The following DLC1 variants were observed in gnomAD, a reference collection of about 807,000 sequenced individuals.
DLC1 encodes the protein DLC1 Rho GTPase activating protein.
DLC1 carries 54 observed loss-of-function variants against 140.3 expected under a neutral mutation model. The observed-to-expected ratio is 0.38, with a 90% CI of 0.31 to 0.48. The LOEUF is 0.48. Among genes scored for constraint, DLC1 ranks in the 20% least tolerant of loss-of-function variants. The pLI is 0.96. For synonymous variants in DLC1, 986 were observed against 728.1 expected, an observed-to-expected ratio of 1.35 and a Z score of -5.70; for missense variants, 2,536 against 1,907.0, an observed-to-expected ratio of 1.33 and a Z score of -6.14.
intron 5 of DLC1, among the ~76,000 whole-genome samples, chr8:13,292,802 TG>T (rs1482684018): frequency 6.6e-6 from 1 of 152,250 alleles, no homozygotes; most frequent in African/African-American, 2.4e-5. Flanking sequence ...CTCATTTTTT[TG>T]TTTTTATATG....
chr8:13,344,306 C>A (rs1270937145), intron 4 of DLC1, among the ~76,000 whole-genome samples: 1 of 152,092 alleles, frequency 6.6e-6, no homozygotes, highest in Non-Finnish European at 1.5e-5. Context: ...CCAGCCTGAC[C>A]AACATGGTGA....
rs539686093 is a variant in DLC1 at position 13,446,678 on chromosome 8, C to T, written c.1024-45059G>A. 5.3e-5 allele frequency among the ~76,000 whole-genome samples: 8 copies of T among 152,128 alleles called. No individual in the cohort carries two copies. In the South Asian group the frequency reaches 8.3e-4, roughly 16 times the overall value. ...AAATAAGAAAAGGAATGGTGGTTCA[C>T]GCCTGTAATCTCAGCACTTTCGGAG... On this transcript the variant is annotated intron_variant, in intron 2 of 17. Coordinates refer to ENST00000276297, the MANE Select transcript of DLC1 (RefSeq NM_182643.3).
intron 1 of DLC1, among the ~76,000 whole-genome samples, chr8:13,537,852 A>G (rs545061844): frequency 5.9e-5 from 9 of 151,830 alleles, no homozygotes; most frequent in African/African-American, 1.9e-4. Context: ...ACAGGGTTTC[A>G]CTGTGTTAGT....
chr8:13,399,915 A>C (rs529281925), intron 3 of DLC1, among the ~76,000 whole-genome samples: 1 of 152,046 alleles, frequency 6.6e-6, no homozygotes, highest in Non-Finnish European at 1.5e-5. Flanking sequence ...ATAAATTCAC[A>C]GTGAAGTATG....
chr8:13,375,732 TTTA>T (rs1456518329), intron 4 of DLC1, among the ~76,000 whole-genome samples: 2 of 90,066 alleles, frequency 2.2e-5, no homozygotes, highest in East Asian at 6.6e-4. Context: ...TTATTTTATT[TTTA>T]TTTTTTTGCT....
intron 5 of DLC1, among the ~76,000 whole-genome samples, chr8:13,182,520 G>C (rs922098769): frequency 6.6e-6 from 1 of 152,162 alleles, no homozygotes; most frequent in Admixed American, 6.5e-5. Flanking sequence ...AAGGGATCCA[G>C]TTTCAGCTTT....
At chr8:13,412,250 A>T (rs990804321) in intron 2 of DLC1, among the ~76,000 whole-genome samples, 4 of 152,168 alleles carry the variant, frequency 2.6e-5, no homozygotes, top group African/African-American at 4.8e-5. Flanking sequence ...GAGAATTAAT[A>T]TTTTTTTCAT....
At chr8:13,454,976 T>C (rs899079526) in intron 2 of DLC1, among the ~76,000 whole-genome samples, 2 of 152,040 alleles carry the variant, frequency 1.3e-5, no homozygotes, top group Non-Finnish European at 2.9e-5. Context: ...GAGATCTAGT[T>C]TTTTTTTGTT....
chr8:13,249,490 A>C (rs1829911334), intron 5 of DLC1, among the ~76,000 whole-genome samples: 1 of 152,088 alleles, frequency 6.6e-6, no homozygotes, highest in South Asian at 2.1e-4. Context: ...ACCCACTGCC[A>C]CCGTGATCCC....
At chr8:13,115,187 G>T (rs1820444663) in intron 6 of DLC1, among the ~76,000 whole-genome samples, 1 of 151,532 alleles carries the variant, frequency 6.6e-6, no homozygotes, top group South Asian at 2.1e-4. Context: ...CAGTATAGAA[G>T]AATCTTAACA....
intron 2 of DLC1, among the ~76,000 whole-genome samples, chr8:13,448,827 A>C (rs1563355803): frequency 6.6e-6 from 1 of 151,616 alleles, no homozygotes; most frequent in Non-Finnish European, 1.5e-5. Context: ...ACGGCCACAA[A>C]TGTGTTATAC....
intron 2 of DLC1, among the ~76,000 whole-genome samples, chr8:13,430,689 AT>A (rs1838824340): frequency 1.3e-5 from 2 of 152,318 alleles, no homozygotes; most frequent in South Asian, 4.1e-4. Context: ...AAATTTGGTA[AT>A]TAATTTAAAA....
chr8:13,453,779 A>G lies in DLC1; in HGVS notation c.1023+45270T>C, dbSNP rs1240703177. The stretch of plus-strand genomic sequence containing the variant: ...TATAATTGTAGAACTACTATTTTAC[A>G]GTTAAATTTCATTATAACGATGTCT... On this transcript the variant is annotated intron_variant, in intron 2 of 17. Coordinates refer to ENST00000276297, the MANE Select transcript of DLC1 (RefSeq NM_182643.3). Among the ~76,000 whole-genome samples the G allele has an allele frequency of 2.0e-5, 3 of 151,696 alleles. No homozygotes were observed. In the East Asian group the frequency reaches 5.8e-4, roughly 29 times the overall value.
chr8:13,319,817 C>CTTTT (rs1563250552), intron 4 of DLC1, among the ~76,000 whole-genome samples: 3 of 17,058 alleles, frequency 1.8e-4, no homozygotes, highest in African/African-American at 3.7e-4. Flanking sequence ...AATTCTCTCT[C>CTTTT]TCTCTTTTTT....
At chr8:13,462,698 G>A (rs190896986) in intron 2 of DLC1, among the ~76,000 whole-genome samples, 380 of 152,148 alleles carry the variant, frequency 2.5e-3, no homozygotes, top group African/African-American at 8.6e-3. Context: ...GAGCCACCGC[G>A]CCCGGCCTAC....
At chr8:13,585,879 T>C (rs1805288804) in intron 1 of DLC1, among the ~76,000 whole-genome samples, 1 of 152,218 alleles carries the variant, frequency 6.6e-6, no homozygotes, top group Non-Finnish European at 1.5e-5. Flanking sequence ...ACAGTCACAT[T>C]CTGAAGTACT....
chr8:13,390,071 G>A (rs902247812), intron 4 of DLC1, among the ~76,000 whole-genome samples: 4 of 152,112 alleles, frequency 2.6e-5, no homozygotes, highest in African/African-American at 4.8e-5. Context: ...GTGGGAGAAA[G>A]TATCTGTTTA....
At chr8:13,274,400 G>C (rs928544448) in intron 5 of DLC1, among the ~76,000 whole-genome samples, 1 of 152,146 alleles carries the variant, frequency 6.6e-6, no homozygotes, top group Non-Finnish European at 1.5e-5. Flanking sequence ...TACTTCAGAG[G>C]TCCATACTGC....
At chr8:13,132,144 T>C (rs1822151034) in intron 5 of DLC1, among the ~76,000 whole-genome samples, 2 of 150,952 alleles carry the variant, frequency 1.3e-5, no homozygotes, top group South Asian at 4.2e-4. Context: ...GGGGTGGGCA[T>C]CCCCAAGGGG....
Sources: allele counts gnomAD v4.1 joint callset (sites outside exome capture counted in the v4.1 genomes callset), GRCh38; gene constraint gnomAD v4.1.1; transcripts MANE v1.5; gene names NCBI Gene and HGNC (gene_info 2026-07-23, HGNC 2026-07-21).